The following ATXN7L1 variants were observed in gnomAD, a reference collection of about 807,000 sequenced individuals.
The protein encoded by ATXN7L1 is ataxin-7-like protein 1.
Under a neutral mutation model 70.8 loss-of-function variants are expected in ATXN7L1, and 15 were observed. The ratio of observed to expected loss-of-function variants is 0.21; its 90% CI spans 0.14 to 0.33. The LOEUF is 0.33. Ranked by LOEUF, ATXN7L1 falls within the 10% of genes least tolerant of loss-of-function variation. The probability of loss-of-function intolerance (pLI) is 1.00; values close to 1 mark genes in which losing one functional copy is unlikely to be tolerated. For missense variants in ATXN7L1, 975 were observed against 1,097.1 expected (o/e 0.89, Z 1.57); for synonymous variants, 440 against 445.1 (o/e 0.99, Z 0.14).
chr7:105,789,124 G>A (rs1267986215), intron 2 of ATXN7L1, among the ~76,000 whole-genome samples: 1 of 152,238 alleles, frequency 6.6e-6, no homozygotes, highest in Non-Finnish European at 1.5e-5. Context: ...GAAGTGAGAG[G>A]TGTCTGGCTG....
intron 2 of ATXN7L1, among the ~76,000 whole-genome samples, chr7:105,828,927 A>G (rs78145835): frequency 1.3e-5 from 2 of 152,348 alleles, no homozygotes; most frequent in East Asian, 3.9e-4. Context: ...CTATGAAGAT[A>G]CTTCTCAAAT....
At chr7:105,862,788 G>A (rs1777829931) in intron 2 of ATXN7L1, among the ~76,000 whole-genome samples, 1 of 152,176 alleles carries the variant, frequency 6.6e-6, no homozygotes, top group Admixed American at 6.5e-5. Flanking sequence ...AAATGTCCCA[G>A]TTAATGGAGA....
chr7:105,683,232 T>C (rs1805758471), intron 3 of ATXN7L1, among the ~76,000 whole-genome samples: 3 of 152,224 alleles, frequency 2.0e-5, no homozygotes, highest in South Asian at 4.1e-4. Flanking sequence ...CACATGCATA[T>C]GTACATACAG....
chr7:105,743,925 C>T (rs536044170), intron 3 of ATXN7L1, among the ~76,000 whole-genome samples: 1 of 152,130 alleles, frequency 6.6e-6, no homozygotes, highest in Non-Finnish European at 1.5e-5. Context: ...ATGGAGCTGG[C>T]GTCTTTATTT....
intron 2 of ATXN7L1, among the ~76,000 whole-genome samples, chr7:105,793,643 A>T (rs932479994): frequency 2.0e-5 from 3 of 152,188 alleles, no homozygotes; most frequent in African/African-American, 4.8e-5. Flanking sequence ...ACATGTGCCC[A>T]ATGAAGACGG....
intron 7 of ATXN7L1, among the ~76,000 whole-genome samples, chr7:105,631,094 C>A (rs1796536316): frequency 1.3e-5 from 2 of 152,144 alleles, no homozygotes; most frequent in African/African-American, 4.8e-5. Flanking sequence ...GGGGCTGGTG[C>A]TCCTCCACCT....
intron 3 of ATXN7L1, among the ~76,000 whole-genome samples, chr7:105,782,710 A>G (rs1803711266): frequency 6.6e-6 from 1 of 152,234 alleles, no homozygotes; most frequent in African/African-American, 2.4e-5. Flanking sequence ...CGGCATTTCT[A>G]AAAGAGCTGC....
At chr7:105,611,134 G>A (rs769496433) in intron 10 of ATXN7L1, among the ~76,000 whole-genome samples, 7 of 152,204 alleles carry the variant, frequency 4.6e-5, no homozygotes, top group Admixed American at 1.3e-4. Context: ...TAGCACGATG[G>A]TGCTGGGCTT....
intron 3 of ATXN7L1, chr7:105,761,446 T>G: frequency 6.2e-7 from 1 of 1,614,192 alleles, no homozygotes; most frequent in Non-Finnish European, 8.5e-7. Flanking sequence ...TCATTTCTCC[T>G]GTTGTCTTGC....
chr7:105,838,579 A>G (rs1812752644), intron 2 of ATXN7L1, among the ~76,000 whole-genome samples: 1 of 152,190 alleles, frequency 6.6e-6, no homozygotes, highest in South Asian at 2.1e-4. Flanking sequence ...AGCCAGGAGC[A>G]GGGGCTGAGA....
At chr7:105,676,749 A>C (rs753481296) in intron 3 of ATXN7L1, among the ~76,000 whole-genome samples, 12 of 152,152 alleles carry the variant, frequency 7.9e-5, no homozygotes, top group Admixed American at 1.3e-4. Flanking sequence ...CCGAGGCAGG[A>C]GAATCGCTTG....
intron 3 of ATXN7L1, among the ~76,000 whole-genome samples, chr7:105,679,867 C>T (rs1805305932): frequency 6.6e-6 from 1 of 151,836 alleles, no homozygotes; most frequent in African/African-American, 2.4e-5. Flanking sequence ...GTACTCAATA[C>T]CACTGAATTG....
chr7:105,677,271 A>C (rs1396096701), intron 3 of ATXN7L1, among the ~76,000 whole-genome samples: 1 of 152,244 alleles, frequency 6.6e-6, no homozygotes, highest in Admixed American at 6.5e-5. Context: ...TCTGGGCTCA[A>C]ATCCCAGCTC....
At chr7:105,702,542 C>A (rs1256574527) in intron 3 of ATXN7L1, among the ~76,000 whole-genome samples, 3 of 111,256 alleles carry the variant, frequency 2.7e-5, no homozygotes, top group Non-Finnish European at 5.1e-5. Flanking sequence ...CACACAGACC[C>A]ACAACACACA....
intron 3 of ATXN7L1, among the ~76,000 whole-genome samples, chr7:105,756,698 A>AT (rs927271468): frequency 9.2e-5 from 14 of 152,074 alleles, no homozygotes; most frequent in South Asian, 2.1e-4. Flanking sequence ...AAGCTTTAAG[A>AT]TTTTTTTTCG....
At chr7:105,754,588 G>A (rs530489266) in intron 3 of ATXN7L1, among the ~76,000 whole-genome samples, 2 of 152,184 alleles carry the variant, frequency 1.3e-5, no homozygotes, top group East Asian at 1.9e-4. Flanking sequence ...AGCCTGCTGA[G>A]TAGCTGGACT....
chr7:105,782,415 A>G (rs1803662977), intron 3 of ATXN7L1, among the ~76,000 whole-genome samples: 1 of 152,226 alleles, frequency 6.6e-6, no homozygotes, highest in African/African-American at 2.4e-5. Flanking sequence ...AAGTGTCTAA[A>G]AGGCTGTTGG....
intron 2 of ATXN7L1, among the ~76,000 whole-genome samples, chr7:105,849,738 G>A (rs746221988): frequency 2.0e-5 from 3 of 152,214 alleles, no homozygotes; most frequent in African/African-American, 4.8e-5. Context: ...ATGACAATGG[G>A]TGCTCTGAAG....
chr7:105,789,044 A>G (rs1804741517), intron 2 of ATXN7L1, among the ~76,000 whole-genome samples: 1 of 152,190 alleles, frequency 6.6e-6, no homozygotes, highest in South Asian at 2.1e-4. Flanking sequence ...TCACACACTG[A>G]GGCTCTATAT....
Sources: allele counts gnomAD v4.1 joint callset (sites outside exome capture counted in the v4.1 genomes callset), GRCh38; gene constraint gnomAD v4.1.1; transcripts MANE v1.5; gene names NCBI Gene and HGNC (gene_info 2026-07-23, HGNC 2026-07-21).